Variants in CYTH1 observed in about 807,000 individuals in gnomAD.
CYTH1 encodes the protein cytohesin-1.
In CYTH1, 18 loss-of-function variants were observed where a neutral mutation model predicts 61.8. The ratio of observed to expected loss-of-function variants is 0.29; its 90% CI spans 0.20 to 0.43. The LOEUF is 0.43. Among genes scored for constraint, CYTH1 ranks in the 20% least tolerant of loss-of-function variants. CYTH1 has a pLI of 1.00. For synonymous variants in CYTH1, 174 were observed against 184.3 expected (o/e 0.94, Z 0.45); for missense variants, 336 against 510.5 (o/e 0.66, Z 3.29).
At chr17:78,707,063 G>A (rs766721255) in intron 3 of CYTH1, among the ~76,000 whole-genome samples, 22 of 152,116 alleles carry the variant, frequency 1.4e-4, no homozygotes, top group Non-Finnish European at 2.5e-4. Flanking sequence ...CAACGTATCC[G>A]TTTCATTTAA....
At chr17:78,676,841 A>G in intron 13 of CYTH1, 1 of 374,926 alleles carries the variant, frequency 2.7e-6, no homozygotes, top group South Asian at 2.0e-5. Flanking sequence ...TGGACTGGCA[A>G]CACCACAACC....
intron 1 of CYTH1, among the ~76,000 whole-genome samples, chr17:78,749,959 C>G (rs2093373477): frequency 6.6e-6 from 1 of 152,158 alleles, no homozygotes; most frequent in Admixed American, 6.5e-5. Context: ...ATACCACATA[C>G]TTATTCCACA....
intron 1 of CYTH1, among the ~76,000 whole-genome samples, chr17:78,743,388 G>A (rs1304331082): frequency 6.6e-6 from 1 of 152,112 alleles, no homozygotes; most frequent in Non-Finnish European, 1.5e-5. Context: ...CCGTGTCATG[G>A]CCTCTGAAGC....
At chr17:78,776,954 T>A (rs142665846) in intron 1 of CYTH1, among the ~76,000 whole-genome samples, 1 of 151,014 alleles carries the variant, frequency 6.6e-6, no homozygotes, top group Non-Finnish European at 1.5e-5. Context: ...GGAGAAACCC[T>A]GTCTCCAGTA....
intron 1 of CYTH1, among the ~76,000 whole-genome samples, chr17:78,718,218 TACAC>T (rs55803104): frequency 0.16 from 20,845 of 128,168 alleles, 1,622 homozygotes; most frequent in South Asian, 0.25. Context: ...AAACACTGAA[TACAC>T]ACACACACAC....
chr17:78,675,884 G>A lies in CYTH1; in HGVS notation c.*207C>T, dbSNP rs1277218699. On this transcript the variant is annotated 3_prime_UTR_variant, in exon 14 of 14. Transcript: ENST00000446868. ...AGAGGAAGGCTCTGGAGCCCATGCT[G>A]GACAGGTGGCCGGTCCTCTCTTCCC... is the stretch of plus-strand genomic sequence containing the variant. 1.3e-6 allele frequency: 2 copies of A among 1,491,340 alleles called. No homozygotes were observed. Among genetic ancestry groups the A allele is most frequent in the South Asian group, 2.7e-5 (2 of 73,618 alleles). The allele number at this position is 1,491,340 out of a possible 1,614,324, so 92.4% of individuals were successfully genotyped here.
At chr17:78,705,073 CCA>C (rs1451225243) in intron 3 of CYTH1, among the ~76,000 whole-genome samples, 36 of 152,102 alleles carry the variant, frequency 2.4e-4, no homozygotes, top group Non-Finnish European at 4.4e-5. Flanking sequence ...CAAACAAATA[CCA>C]CAAGGAAGGC....
chr17:78,756,885 A>G (rs1366316639), intron 1 of CYTH1, among the ~76,000 whole-genome samples: 1 of 152,018 alleles, frequency 6.6e-6, no homozygotes, highest in African/African-American at 2.4e-5. Context: ...GGTTAGGAAC[A>G]CAAAGTTCAA....
In CYTH1 at chr17:78,675,709, T is replaced by C. The variant is rs2092690950; in HGVS notation, c.*382A>G. ...TTTTCTCTTAACATATAATAATATATGGACACATGTATTTATGGTGCAGGG... is the reference window on the plus strand; with the variant it reads ...TTTTCTCTTAACATATAATAATATACGGACACATGTATTTATGGTGCAGGG... On this transcript the variant is annotated 3_prime_UTR_variant, in exon 14 of 14. Coordinates refer to ENST00000446868, the MANE Select transcript of CYTH1 (RefSeq NM_004762.6). 2.1e-6 allele frequency: 1 copy of C among 482,254 alleles called. No individual in the cohort carries two copies. The highest frequency in any genetic ancestry group is 3.6e-6 in the Non-Finnish European group (1 of 276,964). 29.9% of individuals were successfully genotyped at this position (482,254 alleles called of 1,614,324 possible). A position where few individuals can be genotyped will look rare whatever the true frequency, so the allele number is the denominator to read the frequency against.
chr17:78,703,656 T>C (rs2093036718), intron 3 of CYTH1, among the ~76,000 whole-genome samples: 1 of 152,190 alleles, frequency 6.6e-6, no homozygotes. Flanking sequence ...TTGCCTATTC[T>C]GGACATATCA....
At chr17:78,781,858 T>C (rs1408934250) in intron 1 of CYTH1, among the ~76,000 whole-genome samples, 1 of 146,970 alleles carries the variant, frequency 6.8e-6, no homozygotes, top group Non-Finnish European at 1.5e-5. Flanking sequence ...TCAGAGCCCC[T>C]GAGATCCTGC....
intron 1 of CYTH1, among the ~76,000 whole-genome samples, chr17:78,718,983 G>C (rs1483847099): frequency 6.6e-6 from 1 of 152,246 alleles, no homozygotes; most frequent in African/African-American, 2.4e-5. Flanking sequence ...ACACTGAAGA[G>C]ACAGATCTGG....
intron 1 of CYTH1, among the ~76,000 whole-genome samples, chr17:78,778,278 TGACAGAACAA>T (rs1473825545): frequency 8.6e-6 from 1 of 116,200 alleles, no homozygotes; most frequent in Non-Finnish European, 1.6e-5. Context: ...CCAGCCTGGG[TGACAGAACAA>T]GACTGTCTCA....
chr17:78,751,117 G>A (rs1009866358), intron 1 of CYTH1, among the ~76,000 whole-genome samples: 1 of 152,032 alleles, frequency 6.6e-6, no homozygotes, highest in Non-Finnish European at 1.5e-5. Context: ...CTGAATAGCT[G>A]GAACCATGGG....
At chr17:78,752,626 T>TA (rs2093384860) in intron 1 of CYTH1, among the ~76,000 whole-genome samples, 2 of 152,022 alleles carry the variant, frequency 1.3e-5, no homozygotes, top group Non-Finnish European at 2.9e-5. Context: ...AGAGACAGGG[T>TA]TTCATTATTG....
chr17:78,767,210 G>T (rs1355364586), intron 1 of CYTH1, among the ~76,000 whole-genome samples: 2 of 152,176 alleles, frequency 1.3e-5, no homozygotes, highest in East Asian at 3.9e-4. Context: ...TCTCACGCCT[G>T]TAATCCCAGC....
chr17:78,721,763 G>T (rs1474585543), intron 1 of CYTH1, among the ~76,000 whole-genome samples: 1 of 152,144 alleles, frequency 6.6e-6, no homozygotes, highest in Non-Finnish European at 1.5e-5. Flanking sequence ...GAAGGTATTG[G>T]CTGGGCGCAG....
At chr17:78,763,592 A>C (rs2093437081) in intron 1 of CYTH1, among the ~76,000 whole-genome samples, 1 of 151,962 alleles carries the variant, frequency 6.6e-6, no homozygotes, top group Admixed American at 6.6e-5. Flanking sequence ...CTAATAATAA[A>C]GAACATTATA....
Position 78,675,869 on chromosome 17 carries a change from T to C in CYTH1, c.*222A>G, listed in dbSNP as rs1039959219. The C allele has an allele frequency of 4.8e-6, 7 of 1,471,516 alleles. No homozygotes were observed. Among genetic ancestry groups the C allele is most frequent in the Admixed American group, 2.6e-5 (1 of 38,132 alleles). 91.2% of individuals were successfully genotyped at this position (1,471,516 alleles called of 1,614,324 possible). A position where few individuals can be genotyped will look rare whatever the true frequency, so the allele number is the denominator to read the frequency against. ...GCTCTGCCCTGTGAGAGAGGAAGGC[T>C]CTGGAGCCCATGCTGGACAGGTGGC... is the stretch of plus-strand genomic sequence containing the variant. On this transcript the variant is annotated 3_prime_UTR_variant, in exon 14 of 14. Transcript: ENST00000446868.
Sources: allele counts gnomAD v4.1 joint callset (sites outside exome capture counted in the v4.1 genomes callset), GRCh38; gene constraint gnomAD v4.1.1; transcripts MANE v1.5; gene names NCBI Gene and HGNC (gene_info 2026-07-23, HGNC 2026-07-21).